The following PTPRD variants were observed in gnomAD, a reference collection of about 807,000 sequenced individuals.
PTPRD encodes the protein receptor-type tyrosine-protein phosphatase delta.
Under a neutral mutation model 214.5 loss-of-function variants are expected in PTPRD, and 34 were observed. The observed-to-expected ratio is 0.16, with a 90% CI of 0.12 to 0.21. The LOEUF (loss-of-function observed/expected upper bound fraction) is 0.21, where lower values mean the gene tolerates loss of function less well. PTPRD is among the 10% of genes least tolerant of loss of function. The pLI, the probability that PTPRD is intolerant of heterozygous loss-of-function variation, is 1.00. For missense variants in PTPRD, 2,545 were observed against 2,398.7 expected, an observed-to-expected ratio of 1.06 and a Z score of -1.27; for synonymous variants, 1,128 against 845.7, an observed-to-expected ratio of 1.33 and a Z score of -5.79.
intron 7 of PTPRD, among the ~76,000 whole-genome samples, chr9:9,692,862 TA>T (rs1564579226): frequency 1.3e-5 from 2 of 151,964 alleles, no homozygotes; most frequent in African/African-American, 4.8e-5. Flanking sequence ...GGTTAATTCC[TA>T]GGTATTTAAT....
intron 8 of PTPRD, among the ~76,000 whole-genome samples, chr9:9,542,584 T>A (rs1053807415): frequency 2.0e-5 from 3 of 151,568 alleles, no homozygotes; most frequent in Non-Finnish European, 3.0e-5. Flanking sequence ...AGGTCTTATA[T>A]ACAAAATATA....
chr9:10,573,693 CT>C (rs2068207649), intron 2 of PTPRD, among the ~76,000 whole-genome samples: 1 of 151,738 alleles, frequency 6.6e-6, no homozygotes, highest in South Asian at 2.1e-4. Context: ...TTCCTGGCCC[CT>C]AGTGAAAAGG....
chr9:9,212,805 A>G (rs1284363231), intron 9 of PTPRD, among the ~76,000 whole-genome samples: 2 of 152,168 alleles, frequency 1.3e-5, no homozygotes, highest in East Asian at 3.9e-4. Context: ...CATTTCAACC[A>G]TTACATAGTT....
At chr9:8,776,930 TATG>T (rs2095507840) in intron 11 of PTPRD, among the ~76,000 whole-genome samples, 1 of 138,806 alleles carries the variant, frequency 7.2e-6, no homozygotes, top group Admixed American at 7.5e-5. Flanking sequence ...AATATATAAA[TATG>T]ATGTAATACA....
intron 6 of PTPRD, among the ~76,000 whole-genome samples, chr9:9,751,879 A>C (rs1184707869): frequency 6.6e-6 from 1 of 152,130 alleles, no homozygotes; most frequent in Non-Finnish European, 1.5e-5. Context: ...TGTGAGGTTT[A>C]AATAAAGTGA....
At chr9:10,109,363 A>T (rs766654705) in intron 3 of PTPRD, among the ~76,000 whole-genome samples, 17 of 152,182 alleles carry the variant, frequency 1.1e-4, no homozygotes, top group Non-Finnish European at 2.4e-4. Flanking sequence ...TTTGGGGAAC[A>T]AAGTAATTTT....
At chr9:8,718,651 T>C (rs1286101692) in intron 12 of PTPRD, among the ~76,000 whole-genome samples, 1 of 152,198 alleles carries the variant, frequency 6.6e-6, no homozygotes, top group East Asian at 1.9e-4. Context: ...GTCCGCCTTC[T>C]CTATACAATT....
At chr9:9,491,796 A>T (rs929611987) in intron 8 of PTPRD, among the ~76,000 whole-genome samples, 1 of 152,020 alleles carries the variant, frequency 6.6e-6, no homozygotes. Context: ...ACACCTTAAA[A>T]ATGAGAAAAA....
chr9:8,780,660 G>C lies in PTPRD; in HGVS notation c.-103-46714C>G, dbSNP rs368035624. Among the ~76,000 whole-genome samples, 10 of 152,304 alleles carry C rather than the reference G, an allele frequency of 6.6e-5. No homozygotes were observed. The East Asian group carries it at 1.7e-3, about 27-fold the overall frequency. On this transcript the variant is annotated intron_variant, in intron 11 of 45. Transcript: ENST00000381196. ...TGTCAGTCAGTAGAATGAAAAACTAGACTCAGGCAAGGCCTGAGAATCTAC... is the reference window on the plus strand; with the variant it reads ...TGTCAGTCAGTAGAATGAAAAACTACACTCAGGCAAGGCCTGAGAATCTAC...
chr9:10,408,577 T>C (rs1238953030), intron 2 of PTPRD, among the ~76,000 whole-genome samples: 1 of 151,678 alleles, frequency 6.6e-6, no homozygotes, highest in African/African-American at 2.4e-5. Flanking sequence ...AATGTGGACC[T>C]CTAGAATTGC....
intron 44 of PTPRD, among the ~76,000 whole-genome samples, chr9:8,330,803 T>G (rs1563983991): frequency 6.6e-6 from 1 of 151,512 alleles, no homozygotes; most frequent in Non-Finnish European, 1.5e-5. Flanking sequence ...ATAGTTTTCT[T>G]TGATGTGCTG....
chr9:9,822,445 T>C (rs972134140), intron 5 of PTPRD, among the ~76,000 whole-genome samples: 5 of 147,786 alleles, frequency 3.4e-5, no homozygotes, highest in South Asian at 2.1e-4. Flanking sequence ...ATATAATATA[T>C]ACATAATATA....
At chr9:9,393,393 G>A (rs939024070) in intron 9 of PTPRD, among the ~76,000 whole-genome samples, 2 of 152,206 alleles carry the variant, frequency 1.3e-5, no homozygotes, top group East Asian at 3.9e-4. Flanking sequence ...GAAAAACCAT[G>A]CTAGTCTGCT....
At chr9:9,809,461 G>T (rs564538829) in intron 5 of PTPRD, among the ~76,000 whole-genome samples, 1 of 151,956 alleles carries the variant, frequency 6.6e-6, no homozygotes, top group African/African-American at 2.4e-5. Context: ...TAGAGACGGG[G>T]TTTCACCATT....
chr9:10,024,872 C>T (rs1314188388), intron 4 of PTPRD, among the ~76,000 whole-genome samples: 8 of 147,662 alleles, frequency 5.4e-5, no homozygotes, highest in African/African-American at 7.5e-5. Flanking sequence ...TGAGTGAGAA[C>T]ATGCGGTGTT....
intron 33 of PTPRD, among the ~76,000 whole-genome samples, chr9:8,451,002 C>T (rs2095919903): frequency 6.6e-6 from 1 of 152,174 alleles, no homozygotes; most frequent in Admixed American, 6.5e-5. Context: ...GACTGTGGTA[C>T]AGCTCATTAG....
chr9:10,534,757 T>G (rs888179524), intron 2 of PTPRD, among the ~76,000 whole-genome samples: 1 of 152,188 alleles, frequency 6.6e-6, no homozygotes, highest in Non-Finnish European at 1.5e-5. Context: ...ATTAATCATC[T>G]GCATTTCTGC....
intron 5 of PTPRD, among the ~76,000 whole-genome samples, chr9:9,896,272 T>A (rs2074950396): frequency 6.6e-6 from 1 of 152,034 alleles, no homozygotes. Context: ...ATGAAAGACT[T>A]CGGAAAGTTT....
At chr9:10,575,767 T>C (rs571242381) in intron 2 of PTPRD, among the ~76,000 whole-genome samples, 41 of 152,178 alleles carry the variant, frequency 2.7e-4, no homozygotes, top group African/African-American at 9.9e-4. Flanking sequence ...TCTCTCTCTG[T>C]CTCTCTTCCC....
Sources: allele counts gnomAD v4.1 joint callset (sites outside exome capture counted in the v4.1 genomes callset), GRCh38; gene constraint gnomAD v4.1.1; transcripts MANE v1.5; gene names NCBI Gene and HGNC (gene_info 2026-07-23, HGNC 2026-07-21).